Variants in MKNK1 observed in about 807,000 individuals in gnomAD.
MKNK1 encodes MAP kinase-interacting serine/threonine-protein kinase 1.
MKNK1 carries 30 observed loss-of-function variants against 49.3 expected under a neutral mutation model. The observed-to-expected ratio is 0.61, with a 90% CI of 0.46 to 0.83. The LOEUF is 0.83. Ranked by LOEUF, MKNK1 falls within the 40% of genes least tolerant of loss-of-function variation. The probability of loss-of-function intolerance (pLI) is 0.00; values close to 1 mark genes in which losing one functional copy is unlikely to be tolerated. For missense variants in MKNK1, 423 were observed against 524.7 expected, an observed-to-expected ratio of 0.81 and a Z score of 1.89; for synonymous variants, 176 against 201.7, an observed-to-expected ratio of 0.87 and a Z score of 1.08.
intron 3 of MKNK1, among the ~76,000 whole-genome samples, chr1:46,582,005 G>C (rs1671821563): frequency 6.6e-6 from 1 of 152,180 alleles, no homozygotes; most frequent in Admixed American, 6.5e-5. Context: ...AGCCTGAGCA[G>C]AAGACATTTC....
chr1:46,570,647 G>A (rs1033057333), intron 7 of MKNK1, among the ~76,000 whole-genome samples: 3 of 152,230 alleles, frequency 2.0e-5, no homozygotes, highest in South Asian at 4.1e-4. Flanking sequence ...GCCAACATCC[G>A]CAACAGCAGA....
At chr1:46,566,064 A>G (rs1428791140) in intron 8 of MKNK1, among the ~76,000 whole-genome samples, 1 of 152,240 alleles carries the variant, frequency 6.6e-6, no homozygotes, top group Non-Finnish European at 1.5e-5. Context: ...TTGTGCAACC[A>G]TCACCACGAT....
At chr1:46,568,755 C>A (rs563629725) in intron 7 of MKNK1, 4 of 501,264 alleles carry the variant, frequency 8.0e-6, no homozygotes, top group Non-Finnish European at 1.4e-5. Context: ...TCCCAGCCAG[C>A]CTACCCCTCA....
intron 8 of MKNK1, 42 bp from the exon 9 acceptor site, chr1:46,565,178 C>T: frequency 6.3e-7 from 1 of 1,585,934 alleles, no homozygotes; most frequent in Non-Finnish European, 8.7e-7. Context: ...ATATAAGAAA[C>T]TACGGGGCAA....
At chr1:46,571,003 A>G (rs950323622) in intron 7 of MKNK1, among the ~76,000 whole-genome samples, 1 of 152,260 alleles carries the variant, frequency 6.6e-6, no homozygotes. Context: ...CATAGCTAGA[A>G]GAAAAGTGAA....
At chr1:46,568,776 G>C (rs1308144543) in intron 7 of MKNK1, 1 of 455,158 alleles carries the variant, frequency 2.2e-6, no homozygotes. Flanking sequence ...GTACCACAGT[G>C]ACCACCAAGA....
intron 2 of MKNK1, among the ~76,000 whole-genome samples, chr1:46,583,714 A>C (rs1672084800): frequency 2.0e-5 from 3 of 152,232 alleles, no homozygotes; most frequent in South Asian, 2.1e-4. Flanking sequence ...AGAAAGGCAA[A>C]ACCGAGAGAG....
chr1:46,558,417 T>C lies in MKNK1; in HGVS notation c.*158A>G. ...TTTTTCCTCCAGGACCCTAGGGAAATGGGGGTTGATGGGAACCTCAGGGCC... is the reference window on the plus strand; with the variant it reads ...TTTTTCCTCCAGGACCCTAGGGAAACGGGGGTTGATGGGAACCTCAGGGCC... On this transcript the variant is annotated 3_prime_UTR_variant, in exon 13 of 13. Transcript: ENST00000371945. 2.9e-6 allele frequency: 2 copies of C among 687,610 alleles called. No homozygotes were observed. Among genetic ancestry groups the C allele is most frequent in the Non-Finnish European group, 4.6e-6 (2 of 434,026 alleles). 42.6% of individuals were successfully genotyped at this position (687,610 alleles called of 1,614,324 possible). A position where few individuals can be genotyped will look rare whatever the true frequency, so the allele number is the denominator to read the frequency against.
At chr1:46,561,457 C>A (rs1183706995) in intron 11 of MKNK1, 21 bp downstream of exon 11, 17 of 1,585,412 alleles carry the variant, frequency 1.1e-5, no homozygotes, top group Non-Finnish European at 1.5e-5. Context: ...GTGGAAAACA[C>A]CCCTCCCTGG....
chr1:46,571,636 A>G, intron 7 of MKNK1: 1 of 358,902 alleles, frequency 2.8e-6, no homozygotes, highest in Non-Finnish European at 5.4e-6. Flanking sequence ...CAATTTTGAA[A>G]AGAGACAGAG....
chr1:46,575,564 A>G (rs1245874252), intron 5 of MKNK1: 1 of 152,482 alleles, frequency 6.6e-6, no homozygotes, highest in Non-Finnish European at 1.5e-5. Flanking sequence ...GTTCCTGGCC[A>G]CTGTAGCACT....
chr1:46,584,347 G>A (rs1474581317), intron 2 of MKNK1, among the ~76,000 whole-genome samples: 3 of 152,144 alleles, frequency 2.0e-5, no homozygotes, highest in East Asian at 3.9e-4. Context: ...AGATTTCTCC[G>A]AAGTCTCTGG....
chr1:46,577,061 C>G (rs1053322922), intron 4 of MKNK1, among the ~76,000 whole-genome samples: 3 of 152,204 alleles, frequency 2.0e-5, no homozygotes, highest in African/African-American at 7.2e-5. Context: ...GAGGCTGATG[C>G]AGGACACCGT....
chr1:46,581,966 C>T (rs1339394358), intron 3 of MKNK1, among the ~76,000 whole-genome samples: 1 of 152,180 alleles, frequency 6.6e-6, no homozygotes, highest in African/African-American at 2.4e-5. Flanking sequence ...CAGCCTTTTC[C>T]TCTTGAGGCA....
At chr1:46,594,036 C>T in intron 2 of MKNK1, 77 bp downstream of exon 2, 2 of 1,166,658 alleles carry the variant, frequency 1.7e-6, no homozygotes, top group Non-Finnish European at 2.5e-6. Context: ...TCTTACCCGC[C>T]CTTTCCTCTG....
intron 5 of MKNK1, chr1:46,576,090 T>TG (rs935623519): frequency 6.5e-6 from 1 of 154,880 alleles, no homozygotes; most frequent in Middle Eastern, 3.1e-3. Flanking sequence ...CAGAATGAAC[T>TG]GGGGCTAGAG....
chr1:46,594,360 C>A, intron 1 of MKNK1, 80 bp from the exon 2 acceptor site: 1 of 613,728 alleles, frequency 1.6e-6, no homozygotes, highest in Non-Finnish European at 3.0e-6. Flanking sequence ...TCAATCTGAA[C>A]GTGCCCCAAA....
chr1:46,583,481 A>G (rs1197994752), intron 2 of MKNK1, 152 bp from the exon 3 acceptor site: 1 of 566,360 alleles, frequency 1.8e-6, no homozygotes, highest in South Asian at 2.5e-5. Context: ...ATTTGTTTTG[A>G]CCTAGGAGGA....
chr1:46,583,301 G>A lies in MKNK1; in HGVS notation c.27C>T (p.Ile9=), dbSNP rs1178030444. The A allele has an allele frequency of 4.3e-6, 7 of 1,613,930 alleles. No individual in the cohort carries two copies. The highest frequency in any genetic ancestry group is 4.5e-5 in the East Asian group (2 of 44,876). MGSSEPLP[I]ADGDRRRKKK... ...TCTTCCTCCTCCTGTCACCATCTGC[G>A]ATGGGAAGGGGTTCGCTACTGCCCA... The change falls in exon 3 of 13, where the codon ATC becomes ATT. Residue 9 remains isoleucine, a synonymous_variant. Coordinates refer to ENST00000371945, the MANE Select transcript of MKNK1 (RefSeq NM_001135553.4).
Sources: gnomAD v4.1 joint callset for allele counts (sites outside exome capture counted in the v4.1 genomes callset) on GRCh38, gnomAD v4.1.1 for gene constraint, MANE v1.5 for transcripts, NCBI Gene and HGNC (gene_info 2026-07-23, HGNC 2026-07-21) for gene names.